PARD3B: variants seen among roughly 807,000 people sequenced by gnomAD.
PARD3B encodes par-3 family cell polarity regulator beta.
Under a neutral mutation model 130.2 loss-of-function variants are expected in PARD3B, and 103 were observed. The observed-to-expected ratio is 0.79, with a 90% confidence interval of 0.67 to 0.93. PARD3B has a LOEUF of 0.93. PARD3B is among the 40% of genes least tolerant of loss of function. PARD3B has a pLI of 0.00. For synonymous variants in PARD3B, 583 were observed against 553.2 expected (o/e 1.05, Z -0.76); for missense variants, 1,609 against 1,499.2 (o/e 1.07, Z -1.21).
intron 2 of PARD3B, among the ~76,000 whole-genome samples, chr2:204,758,631 C>T (rs1054020355): frequency 7.9e-5 from 12 of 152,152 alleles, no homozygotes; most frequent in African/African-American, 2.9e-4. Flanking sequence ...TATTTTAAGG[C>T]TCTTTGGCAG....
In PARD3B at chr2:205,288,856, T is replaced by TTTC. The variant is rs1459198636; in HGVS notation, c.2186-11671_2186-11669dup. Among the ~76,000 whole-genome samples, 1 of 152,234 alleles carries TTTC rather than the reference T, an allele frequency of 6.6e-6. No homozygotes were observed. Among genetic ancestry groups the TTTC allele is most frequent in the African/African-American group, 2.4e-5 (1 of 41,474 alleles). ...TCAGTGACTTAAAGTCACACTGTGC[T>TTTC]TTCTTTTCTCTGACTTCTGCAAGCC... On this transcript the variant is annotated intron_variant, in intron 16 of 22. Transcript: ENST00000406610. This position sits in a 1 kb window ranked among gnomAD's most constrained non-coding sequence, Gnocchi z 4.0.
chr2:205,430,175 C>T (rs2047281241), intron 19 of PARD3B, among the ~76,000 whole-genome samples: 8 of 152,184 alleles, frequency 5.3e-5, no homozygotes, highest in Admixed American at 5.2e-4. Flanking sequence ...GAGGGGCCTG[C>T]AGAACTCACT....
At chr2:205,129,774 A>G (rs1446896459) in intron 10 of PARD3B, among the ~76,000 whole-genome samples, 1 of 152,168 alleles carries the variant, frequency 6.6e-6, no homozygotes, top group African/African-American at 2.4e-5. Flanking sequence ...TTAACACTTA[A>G]GCTAAGGGAG....
intron 3 of PARD3B, among the ~76,000 whole-genome samples, chr2:204,982,407 C>G: frequency 6.6e-6 from 1 of 152,190 alleles, no homozygotes; most frequent in East Asian, 1.9e-4. Context: ...GTGGCCTAGA[C>G]CAGCTCAGAG....
Position 205,567,573 on chromosome 2 carries a change from C to T in PARD3B, c.3260+14170C>T, listed in dbSNP as rs375474516. ...TCCTGACCTCATGATCCACCCGCCTCGGCCTCCCAAAGTGCTGGGATTACA... is the reference window on the plus strand; with the variant it reads ...TCCTGACCTCATGATCCACCCGCCTTGGCCTCCCAAAGTGCTGGGATTACA... On this transcript the variant is annotated intron_variant, in intron 22 of 22. Coordinates refer to ENST00000406610, the MANE Select transcript of PARD3B (RefSeq NM_001302769.2). Among the ~76,000 whole-genome samples, 42 of 150,660 alleles carry T rather than the reference C, an allele frequency of 2.8e-4. No individual in the cohort carries two copies. The East Asian group carries it at 4.5e-3, about 16-fold the overall frequency.
chr2:205,094,321 C>T (rs1275022123), intron 4 of PARD3B, among the ~76,000 whole-genome samples: 7 of 152,040 alleles, frequency 4.6e-5, no homozygotes, highest in Non-Finnish European at 8.8e-5. Context: ...ATGCACATGG[C>T]AAAGTCAGGA....
chr2:204,685,834 G>T (rs1023188760), intron 1 of PARD3B, among the ~76,000 whole-genome samples: 1 of 152,074 alleles, frequency 6.6e-6, no homozygotes, highest in African/African-American at 2.4e-5. Flanking sequence ...GTTTCAGAAA[G>T]TACCCTCAAG....
chr2:204,988,303 A>G (rs1693352630), intron 3 of PARD3B, among the ~76,000 whole-genome samples: 1 of 152,206 alleles, frequency 6.6e-6, no homozygotes, highest in Admixed American at 6.5e-5. Flanking sequence ...AATTGAACTC[A>G]TGGACATAGA....
chr2:204,939,411 T>C (rs2125797466), intron 2 of PARD3B, among the ~76,000 whole-genome samples: 1 of 152,320 alleles, frequency 6.6e-6, no homozygotes, highest in East Asian at 1.9e-4. Context: ...GGAATTGTTG[T>C]GCTATAGAGT....
At chr2:205,498,209 A>G (rs1483060383) in intron 20 of PARD3B, among the ~76,000 whole-genome samples, 1 of 150,500 alleles carries the variant, frequency 6.6e-6, no homozygotes, top group East Asian at 2.0e-4. Flanking sequence ...AAAAAAAAAA[A>G]AAAAAAAACA....
At chr2:204,899,130 G>T (rs1326519191) in intron 2 of PARD3B, among the ~76,000 whole-genome samples, 2 of 151,424 alleles carry the variant, frequency 1.3e-5, no homozygotes, top group African/African-American at 4.9e-5. Context: ...GATAAATAAA[G>T]ACTTAATCTT....
chr2:205,462,613 CTT>C (rs2048488544), intron 20 of PARD3B, among the ~76,000 whole-genome samples: 1 of 152,168 alleles, frequency 6.6e-6, no homozygotes, highest in Non-Finnish European at 1.5e-5. Context: ...AACACTAACA[CTT>C]TTCCTCATTC....
intron 4 of PARD3B, among the ~76,000 whole-genome samples, chr2:205,100,959 A>C (rs1018438307): frequency 1.6e-4 from 25 of 152,300 alleles, no homozygotes; most frequent in African/African-American, 5.1e-4. Flanking sequence ...AAAACCAAAA[A>C]CACAAGCTAC....
intron 15 of PARD3B, among the ~76,000 whole-genome samples, chr2:205,201,594 T>C (rs1480986143): frequency 6.6e-6 from 1 of 152,210 alleles, no homozygotes; most frequent in Non-Finnish European, 1.5e-5. Context: ...TCCCAGCCCT[T>C]TGGGGGGCCA....
At chr2:204,663,347 A>G (rs2035898832) in intron 1 of PARD3B, among the ~76,000 whole-genome samples, 1 of 152,216 alleles carries the variant, frequency 6.6e-6, no homozygotes, top group African/African-American at 2.4e-5. Context: ...CAGTGAGAAT[A>G]TCACCCGCAT....
intron 2 of PARD3B, among the ~76,000 whole-genome samples, chr2:204,810,426 C>A (rs1227422138): frequency 6.6e-6 from 1 of 151,992 alleles, no homozygotes; most frequent in African/African-American, 2.4e-5. Flanking sequence ...CCCTACAATA[C>A]CTAGTTTATT....
At position 204,756,697 on chromosome 2, in the gene PARD3B, A is replaced by G. The variant is rs2040689213; in HGVS notation, c.222+70415A>G. 2.0e-5 allele frequency among the ~76,000 whole-genome samples: 3 copies of G among 152,154 alleles called. No homozygotes were observed. In the South Asian group the frequency reaches 6.2e-4, roughly 32 times the overall value. ...TTGCCGTCATTCCTAATGTTTTATAATGGTAAAGAAGGGCTTTCTAATTTA... is the reference window on the plus strand; with the variant it reads ...TTGCCGTCATTCCTAATGTTTTATAGTGGTAAAGAAGGGCTTTCTAATTTA... On this transcript the variant is annotated intron_variant, in intron 2 of 22. Coordinates refer to ENST00000406610, the MANE Select transcript of PARD3B (RefSeq NM_001302769.2).
In PARD3B at chr2:205,405,648, A is replaced by G. The variant is rs552282633; in HGVS notation, c.2741+4525A>G. Among the ~76,000 whole-genome samples the G allele has an allele frequency of 6.6e-6, 1 of 152,350 alleles. No individual in the cohort carries two copies. Among genetic ancestry groups the G allele is most frequent in the African/African-American group, 2.4e-5 (1 of 41,590 alleles). ...TATTTTTAACCTTGGCCTGCTGAGCATCGGCGTTAGTGATGGTGACCCGTT... is the reference window on the plus strand; with the variant it reads ...TATTTTTAACCTTGGCCTGCTGAGCGTCGGCGTTAGTGATGGTGACCCGTT... On this transcript the variant is annotated intron_variant, in intron 19 of 22. Coordinates refer to ENST00000406610, the MANE Select transcript of PARD3B (RefSeq NM_001302769.2). The surrounding 1 kb of genome is among the most constrained non-coding windows in gnomAD (Gnocchi z 4.1).
At chr2:205,556,418 T>C (rs1322895226) in intron 22 of PARD3B, among the ~76,000 whole-genome samples, 2 of 152,148 alleles carry the variant, frequency 1.3e-5, no homozygotes, top group East Asian at 3.9e-4. Flanking sequence ...AGTGCTTTCA[T>C]GGAACTCGGT....
Sources: gnomAD v4.1 joint callset for allele counts (sites outside exome capture counted in the v4.1 genomes callset) on GRCh38, gnomAD v4.1.1 for gene constraint, Gnocchi (gnomAD v3.1) non-coding constraint, MANE v1.5 for transcripts, NCBI Gene and HGNC (gene_info 2026-07-23, HGNC 2026-07-21) for gene names.